Variants in SDHAF3 observed in about 807,000 individuals in gnomAD.
The protein encoded by SDHAF3 is succinate dehydrogenase complex assembly factor 3, also known as succinate dehydrogenase assembly factor 3, mitochondrial.
Under a neutral mutation model 11.5 loss-of-function variants are expected in SDHAF3, and 18 were observed. The observed-to-expected ratio is 1.56, with a 90% confidence interval of 1.08 to 2.32. The LOEUF (loss-of-function observed/expected upper bound fraction) is 2.32. Among genes scored for constraint, SDHAF3 ranks in the 30% most tolerant of loss-of-function variants. The pLI is 0.00. For missense variants in SDHAF3, 200 were observed against 154.4 expected, an observed-to-expected ratio of 1.30 and a Z score of -1.57; for synonymous variants, 72 against 59.3, an observed-to-expected ratio of 1.21 and a Z score of -0.99.
At chr7:97,143,144 C>T (rs991297547) in intron 1 of SDHAF3, among the ~76,000 whole-genome samples, 4 of 151,980 alleles carry the variant, frequency 2.6e-5, no homozygotes, top group Non-Finnish European at 5.9e-5. Flanking sequence ...GATCCACCCA[C>T]CTCCACCTCC....
intron 1 of SDHAF3, among the ~76,000 whole-genome samples, chr7:97,165,729 G>A (rs10229181): frequency 6.6e-6 from 1 of 152,034 alleles, no homozygotes; most frequent in Admixed American, 6.6e-5. Flanking sequence ...AATATGCAGA[G>A]TGCAAGGCTA....
At chr7:97,141,057 G>A (rs138579606) in intron 1 of SDHAF3, among the ~76,000 whole-genome samples, 78 of 152,322 alleles carry the variant, frequency 5.1e-4, no homozygotes, top group African/African-American at 1.8e-3. Context: ...TTTGGGGATG[G>A]CTGTCTTTTA....
At chr7:97,180,871 C>T (rs889881105) in intron 1 of SDHAF3, 141 bp from the exon 2 acceptor site, 9 of 704,328 alleles carry the variant, frequency 1.3e-5, no homozygotes, top group Non-Finnish European at 2.1e-5. Context: ...ATCTTCACAA[C>T]TATATTTATA....
intron 1 of SDHAF3, among the ~76,000 whole-genome samples, chr7:97,140,139 T>C (rs1446378635): frequency 6.6e-6 from 1 of 152,188 alleles, no homozygotes; most frequent in Non-Finnish European, 1.5e-5. Flanking sequence ...CATTGCTCTC[T>C]GAAAGTGGCC....
chr7:97,152,958 C>A (rs1040209436), intron 1 of SDHAF3, among the ~76,000 whole-genome samples: 4 of 152,240 alleles, frequency 2.6e-5, no homozygotes, highest in African/African-American at 9.6e-5. Context: ...ACCACTGCAT[C>A]TGGCCCTGAG....
intron 1 of SDHAF3, among the ~76,000 whole-genome samples, chr7:97,166,604 A>G (rs80219117): frequency 0.084 from 12,791 of 152,186 alleles, 644 homozygotes; most frequent in Middle Eastern, 0.13. Flanking sequence ...TTTAATGTTA[A>G]TGCTGGTCAG....
intron 1 of SDHAF3, among the ~76,000 whole-genome samples, chr7:97,142,243 C>A (rs185914064): frequency 2.6e-5 from 4 of 151,030 alleles, no homozygotes; most frequent in African/African-American, 9.7e-5. Flanking sequence ...TTAGTAGAGA[C>A]GGCATTTCAC....
rs1788995813 is a variant in SDHAF3 at position 97,139,529 on chromosome 7, C to A, written c.174+21632C>A. 2.6e-5 allele frequency among the ~76,000 whole-genome samples: 4 copies of A among 152,158 alleles called. No homozygotes were observed. The South Asian group carries it at 6.2e-4, about 24-fold the overall frequency. On this transcript the variant is annotated intron_variant, in intron 1 of 1. Transcript: ENST00000432641. ...TGAGGATCAATCAGAGGAAAGAGCA[C>A]CAGACAGGAAGAGAGGTTCTCAATC...
At chr7:97,141,901 C>T (rs189390232) in intron 1 of SDHAF3, among the ~76,000 whole-genome samples, 386 of 152,092 alleles carry the variant, frequency 2.5e-3, no homozygotes, top group African/African-American at 8.9e-3. Flanking sequence ...ATTAATGGGA[C>T]AGTAGTATGT....
chr7:97,125,723 G>T (rs1005269586), intron 1 of SDHAF3, among the ~76,000 whole-genome samples: 13 of 152,082 alleles, frequency 8.5e-5, no homozygotes, highest in African/African-American at 3.1e-4. Flanking sequence ...TATTGTGTTA[G>T]CAGTTCCTGT....
chr7:97,135,903 G>A (rs1174486051), intron 1 of SDHAF3, among the ~76,000 whole-genome samples: 1 of 151,252 alleles, frequency 6.6e-6, no homozygotes, highest in Non-Finnish European at 1.5e-5. Context: ...TAGCCAGGAT[G>A]GTCTCGATCT....
At chr7:97,178,653 A>G (rs949592231) in intron 1 of SDHAF3, among the ~76,000 whole-genome samples, 3 of 152,096 alleles carry the variant, frequency 2.0e-5, no homozygotes, top group South Asian at 2.1e-4. Flanking sequence ...GGCCATCTGT[A>G]TATCTTTGGA....
intron 1 of SDHAF3, among the ~76,000 whole-genome samples, chr7:97,142,428 A>C (rs1789064524): frequency 6.6e-6 from 1 of 152,144 alleles, no homozygotes; most frequent in African/African-American, 2.4e-5. Context: ...TAAATATGTG[A>C]GAATTTAGGG....
chr7:97,141,600 C>T (rs1359793936), intron 1 of SDHAF3, among the ~76,000 whole-genome samples: 3 of 152,100 alleles, frequency 2.0e-5, no homozygotes, highest in East Asian at 1.9e-4. Context: ...CTCGAACCCA[C>T]GACCCTGAGA....
intron 1 of SDHAF3, among the ~76,000 whole-genome samples, chr7:97,126,394 A>G (rs368794174): frequency 6.6e-6 from 1 of 152,280 alleles, no homozygotes; most frequent in South Asian, 2.1e-4. Context: ...GGAACATTTA[A>G]GTCTGCTGAA....
chr7:97,146,813 G>A (rs1414201190), intron 1 of SDHAF3, among the ~76,000 whole-genome samples: 3 of 146,270 alleles, frequency 2.1e-5, no homozygotes, highest in Non-Finnish European at 4.5e-5. Flanking sequence ...TTGAGATGGA[G>A]TCTCACTCTG....
At chr7:97,169,462 T>C (rs1198212452) in intron 1 of SDHAF3, among the ~76,000 whole-genome samples, 1 of 152,202 alleles carries the variant, frequency 6.6e-6, no homozygotes, top group East Asian at 1.9e-4. Flanking sequence ...ATAGATTCCT[T>C]TGGAGAGTAA....
chr7:97,177,489 G>C (rs929085065), intron 1 of SDHAF3, among the ~76,000 whole-genome samples: 37 of 152,042 alleles, frequency 2.4e-4, no homozygotes, highest in African/African-American at 8.0e-4. Flanking sequence ...GCAACAGAGC[G>C]AGACTCCGTC....
intron 1 of SDHAF3, among the ~76,000 whole-genome samples, chr7:97,153,899 C>A (rs572205111): frequency 6.6e-6 from 1 of 152,122 alleles, no homozygotes; most frequent in Non-Finnish European, 1.5e-5. Flanking sequence ...AGTGATATCT[C>A]GTGTTTTAAT....
Sources: gnomAD v4.1 joint callset for allele counts (sites outside exome capture counted in the v4.1 genomes callset) on GRCh38, gnomAD v4.1.1 for gene constraint, MANE v1.5 for transcripts, NCBI Gene and HGNC (gene_info 2026-07-23, HGNC 2026-07-21) for gene names.